PCDH11X: variants seen among roughly 807,000 people sequenced by gnomAD.
PCDH11X encodes the protein protocadherin-11 X-linked.
PCDH11X carries 18 observed loss-of-function variants against 53.3 expected under a neutral mutation model. The observed-to-expected ratio is 0.34, with a 90% CI of 0.23 to 0.50. The LOEUF is 0.50. PCDH11X is among the 20% of genes least tolerant of loss of function. PCDH11X has a pLI of 0.98. For missense variants in PCDH11X, 570 were observed against 1,032.4 expected (o/e 0.55, Z 6.14); for synonymous variants, 279 against 393.3 (o/e 0.71, Z 3.44).
chrX:92,415,948 A>G (rs1392203629), intron 9 of PCDH11X, among the ~76,000 whole-genome samples: 6 of 111,625 alleles, frequency 5.4e-5, no homozygotes, highest in Admixed American at 9.5e-5. Flanking sequence ...ATTCATAGTT[A>G]TTTTTCACTT....
intron 6 of PCDH11X, among the ~76,000 whole-genome samples, chrX:91,911,369 A>C (rs992794756): frequency 1.2e-4 from 13 of 109,961 alleles, no homozygotes. Flanking sequence ...GCTACATGAG[A>C]TATTTTGTTA....
intron 6 of PCDH11X, among the ~76,000 whole-genome samples, chrX:92,058,657 GAAGA>G (rs953061973): frequency 1.8e-5 from 2 of 111,057 alleles, no homozygotes; most frequent in Non-Finnish European, 3.8e-5. Context: ...AATTTTGGAT[GAAGA>G]AAGAGATATT....
At chrX:92,227,485 C>G (rs143509417) in intron 7 of PCDH11X, among the ~76,000 whole-genome samples, 1,601 of 111,335 alleles carry the variant, frequency 0.014, 26 homozygotes, top group African/African-American at 0.049. Context: ...AAATATTATT[C>G]TATTTTCTTA....
chrX:92,293,606 G>A (rs1361642314), intron 8 of PCDH11X, among the ~76,000 whole-genome samples: 2 of 98,206 alleles, frequency 2.0e-5, no homozygotes, highest in Non-Finnish European at 3.9e-5. Flanking sequence ...CTGGGCGACA[G>A]AGCGAGACTC....
At chrX:91,820,684 C>A (rs1602288106) in intron 4 of PCDH11X, among the ~76,000 whole-genome samples, 1 of 102,063 alleles carries the variant, frequency 9.8e-6, no homozygotes, top group South Asian at 4.0e-4. Flanking sequence ...TAATTAGATC[C>A]CATTTGTCAA....
chrX:92,221,318 C>CACAT (rs1451746177), intron 7 of PCDH11X, among the ~76,000 whole-genome samples: 1 of 97,796 alleles, frequency 1.0e-5, no homozygotes, highest in African/African-American at 4.1e-5. Flanking sequence ...CACACACACA[C>CACAT]ACACACACAT....
chrX:92,206,420 C>T (rs1426344069), intron 7 of PCDH11X, among the ~76,000 whole-genome samples: 5 of 111,850 alleles, frequency 4.5e-5, no homozygotes, highest in African/African-American at 1.6e-4. Context: ...ATTTCTGTTC[C>T]TCCACTGAAA....
intron 6 of PCDH11X, among the ~76,000 whole-genome samples, chrX:91,895,837 TAC>T (rs1569431753): frequency 9.3e-6 from 1 of 107,012 alleles, no homozygotes; most frequent in East Asian, 2.9e-4. Context: ...TAATATGTAA[TAC>T]ACTTAACATT....
intron 8 of PCDH11X, among the ~76,000 whole-genome samples, chrX:92,376,817 TA>T (rs1229215563): frequency 8.9e-6 from 1 of 111,950 alleles, no homozygotes; most frequent in East Asian, 2.8e-4. Flanking sequence ...TAACATTCTT[TA>T]AATTTAAACA....
chrX:92,051,276 C>A (rs2063363718), intron 6 of PCDH11X, among the ~76,000 whole-genome samples: 1 of 111,637 alleles, frequency 9.0e-6, no homozygotes, highest in Non-Finnish European at 1.9e-5. Flanking sequence ...TGTTGGTTTA[C>A]AAGTGTTACT....
At chrX:91,791,855 A>T (rs78672177) in intron 1 of PCDH11X, among the ~76,000 whole-genome samples, 26,011 of 94,588 alleles carry the variant, frequency 0.27, 3,959 homozygotes, top group African/African-American at 0.45. Context: ...CACGATCAGT[A>T]CATTTTTTTT....
chrX:91,930,981 G>T, intron 6 of PCDH11X, among the ~76,000 whole-genome samples: 1 of 110,576 alleles, frequency 9.0e-6, no homozygotes, highest in Non-Finnish European at 1.9e-5. Context: ...TTCTAACTAT[G>T]TAAGATTTAA....
intron 8 of PCDH11X, among the ~76,000 whole-genome samples, chrX:92,305,685 C>T (rs1157427211): frequency 1.8e-5 from 2 of 108,672 alleles, no homozygotes; most frequent in Non-Finnish European, 3.8e-5. Context: ...GATGTTACTT[C>T]ATCACATCTT....
chrX:92,112,113 A>G (rs1290045887), intron 6 of PCDH11X, among the ~76,000 whole-genome samples: 2 of 109,171 alleles, frequency 1.8e-5, no homozygotes, highest in Non-Finnish European at 3.8e-5. Context: ...AATACCAAAA[A>G]AAAAAAAAAA....
At chrX:92,302,311 G>A (rs765246206) in intron 8 of PCDH11X, among the ~76,000 whole-genome samples, 1 of 111,004 alleles carries the variant, frequency 9.0e-6, no homozygotes, top group South Asian at 3.8e-4. Flanking sequence ...TGACCTGGGA[G>A]GAGAAAGGAA....
chrX:92,278,371 G>A (rs2068158590), intron 8 of PCDH11X, among the ~76,000 whole-genome samples: 1 of 112,010 alleles, frequency 8.9e-6, no homozygotes, highest in Non-Finnish European at 1.9e-5. Context: ...TTTCATGCGT[G>A]TCCGTGTGAA....
chrX:92,401,701 C>G (rs191165412), intron 9 of PCDH11X, among the ~76,000 whole-genome samples: 4 of 112,079 alleles, frequency 3.6e-5, no homozygotes, highest in African/African-American at 1.3e-4. Flanking sequence ...ATCTGGAATG[C>G]TGAATGTCCT....
intron 9 of PCDH11X, among the ~76,000 whole-genome samples, chrX:92,392,248 A>G (rs960936562): frequency 6.3e-5 from 7 of 111,355 alleles, no homozygotes; most frequent in Non-Finnish European, 1.3e-4. Flanking sequence ...TAGAGTTTCA[A>G]GAACATTTAG....
intron 6 of PCDH11X, among the ~76,000 whole-genome samples, chrX:92,107,552 C>T (rs2064411544): frequency 8.9e-6 from 1 of 111,834 alleles, no homozygotes; most frequent in Non-Finnish European, 1.9e-5. Flanking sequence ...GCCTGACCAA[C>T]ATGGAGAAAC....
Sources: allele counts gnomAD v4.1 joint callset (sites outside exome capture counted in the v4.1 genomes callset), GRCh38; gene constraint gnomAD v4.1.1; transcripts MANE v1.5; gene names NCBI Gene and HGNC (gene_info 2026-07-23, HGNC 2026-07-21).